KLRD1: variants seen among roughly 807,000 people sequenced by gnomAD.
The protein encoded by KLRD1 is natural killer cells antigen CD94.
A neutral mutation model predicts 22.6 loss-of-function variants in KLRD1; 21 were observed. The observed-to-expected ratio is 0.93, with a 90% CI of 0.66 to 1.34. KLRD1 has a LOEUF of 1.34. Ranked by LOEUF, KLRD1 falls within the 40% of genes most tolerant of loss-of-function variation. The probability of loss-of-function intolerance (pLI) is 0.00; values close to 1 mark genes in which losing one functional copy is unlikely to be tolerated. For missense variants in KLRD1, 183 were observed against 208.6 expected (o/e 0.88, Z 0.76); for synonymous variants, 59 against 71.1 (o/e 0.83, Z 0.85).
At chr12:10,265,170 A>C (rs552684365) in intron 1 of KLRD1, among the ~76,000 whole-genome samples, 3 of 152,082 alleles carry the variant, frequency 2.0e-5, no homozygotes, top group African/African-American at 7.2e-5. Context: ...TTTTAAAAAA[A>C]TTTTTTCAAA....
Position 10,326,721 on chromosome 12 carries a change from C to T in KLRD1, c.*11928C>T, listed in dbSNP as rs1950365154. On this transcript the variant is annotated 3_prime_UTR_variant, in exon 6 of 6. Transcript: ENST00000336164. ...GACAAATGGTTGCATCTTTTTGTTT[C>T]TGATTAGCCTTTCCAAAGGAGGCAA... 1.3e-5 allele frequency: 2 copies of T among 152,230 alleles called. No homozygotes were observed. Among genetic ancestry groups the T allele is most frequent in the Non-Finnish European group, 2.9e-5 (2 of 68,012 alleles). The allele number at this position is 152,230 out of a possible 1,614,324, so 9.4% of individuals were successfully genotyped here.
intron 1 of KLRD1, among the ~76,000 whole-genome samples, chr12:10,245,410 G>A (rs748952102): frequency 2.4e-4 from 36 of 151,998 alleles, no homozygotes; most frequent in Non-Finnish European, 4.9e-4. Context: ...GCTCAATTCC[G>A]CCTAGCTAGC....
At chr12:10,300,451 G>A (rs1037901808), upstream of KLRD1, among the ~76,000 whole-genome samples, 3 of 152,162 alleles carry the variant, frequency 2.0e-5, no homozygotes, top group African/African-American at 7.2e-5. Context: ...GTTGTTTTCA[G>A]AGCAGTAGGT....
At chr12:10,292,643 A>G (rs1949780678) in intron 1 of KLRD1, among the ~76,000 whole-genome samples, 1 of 152,206 alleles carries the variant, frequency 6.6e-6, no homozygotes, top group African/African-American at 2.4e-5. Context: ...GTTGCTCTAT[A>G]TAGAGAGCAC....
chr12:10,264,590 AG>A (rs977886145), intron 1 of KLRD1, among the ~76,000 whole-genome samples: 14 of 152,164 alleles, frequency 9.2e-5, no homozygotes, highest in African/African-American at 3.4e-4. Context: ...GTGTATATTT[AG>A]GGTGTACAAT....
intron 1 of KLRD1, among the ~76,000 whole-genome samples, chr12:10,239,668 G>T: frequency 6.7e-6 from 1 of 148,744 alleles, no homozygotes; most frequent in African/African-American, 2.5e-5. Flanking sequence ...TTGAGACAGA[G>T]TCTCACTCTG....
At chr12:10,300,472 G>C (rs4638400), upstream of KLRD1, among the ~76,000 whole-genome samples, 782 of 152,214 alleles carry the variant, frequency 5.1e-3, 6 homozygotes, top group African/African-American at 0.017. Flanking sequence ...CTCAATAGCA[G>C]GTTAAAAATA....
intron 1 of KLRD1, among the ~76,000 whole-genome samples, chr12:10,267,624 G>T (rs182763425): frequency 4.6e-5 from 7 of 152,230 alleles, no homozygotes; most frequent in East Asian, 3.9e-4. Flanking sequence ...TCATAACAGA[G>T]AAATTTGGCG....
At chr12:10,240,954 T>A (rs1374899181) in intron 1 of KLRD1, among the ~76,000 whole-genome samples, 1 of 151,994 alleles carries the variant, frequency 6.6e-6, no homozygotes, top group African/African-American at 2.4e-5. Flanking sequence ...GTTCAACATC[T>A]TCTTCTTTTT....
intron 1 of KLRD1, among the ~76,000 whole-genome samples, chr12:10,283,240 C>T (rs1310444990): frequency 2.6e-5 from 4 of 152,100 alleles, no homozygotes; most frequent in African/African-American, 9.7e-5. Context: ...GTGCCTGCCA[C>T]GAGGCAGTTG....
chr12:10,258,944 T>G (rs903375852), intron 1 of KLRD1, among the ~76,000 whole-genome samples: 8 of 152,134 alleles, frequency 5.3e-5, no homozygotes, highest in Admixed American at 1.3e-4. Flanking sequence ...CCAAAGAAAC[T>G]TAGATCATTT....
rs1401622681 is a variant in KLRD1, at chr12:10,325,057, G to A, written c.*10264G>A. The A allele has an allele frequency of 6.6e-6, 1 of 151,602 alleles. No individual in the cohort carries two copies. Among genetic ancestry groups the A allele is most frequent in the Non-Finnish European group, 1.5e-5 (1 of 67,860 alleles). The allele number at this position is 151,602 out of a possible 1,614,324, so 9.4% of individuals were successfully genotyped here. A position where few individuals can be genotyped will look rare whatever the true frequency, so the allele number is the denominator to read the frequency against. ...TTCAACACAAAGTTGAATACAAGTG[G>A]TGAGTAAACACCCTTGTTTTGCTAT... On this transcript the variant is annotated 3_prime_UTR_variant, in exon 6 of 6. Coordinates refer to ENST00000336164, the MANE Select transcript of KLRD1 (RefSeq NM_002262.5).
At chr12:10,300,986 G>T (rs918754991), upstream of KLRD1, among the ~76,000 whole-genome samples, 1 of 151,982 alleles carries the variant, frequency 6.6e-6, no homozygotes, top group Non-Finnish European at 1.5e-5. Context: ...AAAGAGTTAG[G>T]GTTCTAGATT....
intron 1 of KLRD1, among the ~76,000 whole-genome samples, chr12:10,271,801 A>C (rs1027676411): frequency 1.3e-5 from 2 of 152,014 alleles, no homozygotes; most frequent in Admixed American, 6.6e-5. Flanking sequence ...TAATCATAAG[A>C]AAGTTTTAAA....
upstream of KLRD1, among the ~76,000 whole-genome samples, chr12:10,304,907 C>T (rs1326772134): frequency 6.6e-6 from 1 of 151,998 alleles, no homozygotes; most frequent in Non-Finnish European, 1.5e-5. Flanking sequence ...CTCAGGGAGC[C>T]CTCTCTCTCT....
intron 1 of KLRD1, among the ~76,000 whole-genome samples, chr12:10,264,157 AT>A (rs1949478904): frequency 6.6e-6 from 1 of 152,042 alleles, no homozygotes. Flanking sequence ...ATATTTGATG[AT>A]TTCTGGTTCA....
chr12:10,281,050 TAGG>T (rs1949636788), intron 1 of KLRD1, among the ~76,000 whole-genome samples: 2 of 152,086 alleles, frequency 1.3e-5, no homozygotes, highest in Non-Finnish European at 2.9e-5. Flanking sequence ...GAGAGATACT[TAGG>T]AGAAGTGAGA....
At chr12:10,246,007 T>C (rs984992456) in intron 1 of KLRD1, among the ~76,000 whole-genome samples, 1 of 152,076 alleles carries the variant, frequency 6.6e-6, no homozygotes, top group African/African-American at 2.4e-5. Flanking sequence ...AAGAAGCATT[T>C]GTTTGTTTGT....
intron 1 of KLRD1, among the ~76,000 whole-genome samples, chr12:10,291,134 A>C (rs1180696327): frequency 1.3e-5 from 2 of 152,226 alleles, no homozygotes; most frequent in East Asian, 1.9e-4. Context: ...AACAATGTAC[A>C]TACCTTGATT....
Sources: gnomAD v4.1 joint callset for allele counts (sites outside exome capture counted in the v4.1 genomes callset) on GRCh38, gnomAD v4.1.1 for gene constraint, MANE v1.5 for transcripts, NCBI Gene and HGNC (gene_info 2026-07-23, HGNC 2026-07-21) for gene names.